IDO2: variants seen among roughly 807,000 people sequenced by gnomAD.
The protein encoded by IDO2 is indoleamine 2,3-dioxygenase-like 1 protein.
In IDO2, 46 loss-of-function variants were observed where a neutral mutation model predicts 45.1. That is an observed-to-expected ratio of 1.02 (90% CI 0.80 to 1.30). The LOEUF (loss-of-function observed/expected upper bound fraction) is 1.30. Among genes scored for constraint, IDO2 ranks in the 50% most tolerant of loss-of-function variants. The pLI, the probability that IDO2 is intolerant of heterozygous loss-of-function variation, is 0.00. For missense variants in IDO2, 544 were observed against 491.8 expected, an observed-to-expected ratio of 1.11 and a Z score of -1.00; for synonymous variants, 218 against 184.9, an observed-to-expected ratio of 1.18 and a Z score of -1.45.
chr8:39,945,991 T>G (rs920501296), intron 1 of IDO2, among the ~76,000 whole-genome samples: 3 of 152,218 alleles, frequency 2.0e-5, no homozygotes, highest in African/African-American at 7.2e-5. Flanking sequence ...ACCTCCTTCT[T>G]GCCTTGGAAC....
At chr8:40,015,614 C>G in exon 11 of IDO2, 1 of 1,588,908 alleles carries the variant, frequency 6.3e-7, no homozygotes, top group Non-Finnish European at 8.6e-7. Flanking sequence ...AGGCTGCCCT[C>G]TCCCCAGCAA....
chr8:39,960,759 A>G (rs1266082931), intron 2 of IDO2, among the ~76,000 whole-genome samples: 1 of 152,136 alleles, frequency 6.6e-6, no homozygotes, highest in East Asian at 1.9e-4. Context: ...CTTCTGTGAA[A>G]TCCTCTACTG....
intron 9 of IDO2, 32 bp downstream of exon 9, chr8:40,005,410 A>G (rs754994652): frequency 1.4e-6 from 2 of 1,426,314 alleles, no homozygotes; most frequent in Non-Finnish European, 1.9e-6. Flanking sequence ...TCCTGTGTGA[A>G]GTCTCTGTAG....
At chr8:39,996,495 C>T (rs908589411) in intron 8 of IDO2, among the ~76,000 whole-genome samples, 2 of 152,122 alleles carry the variant, frequency 1.3e-5, no homozygotes, top group South Asian at 2.1e-4. Context: ...TGCCTTGTAT[C>T]TAATAAATAA....
At chr8:39,975,791 T>C in intron 3 of IDO2, among the ~76,000 whole-genome samples, 1 of 152,134 alleles carries the variant, frequency 6.6e-6, no homozygotes, top group Non-Finnish European at 1.5e-5. Flanking sequence ...TAGGCCTGTG[T>C]ACCCTGAAAG....
chr8:39,946,986 C>T (rs1807741847), intron 1 of IDO2, among the ~76,000 whole-genome samples: 1 of 151,756 alleles, frequency 6.6e-6, no homozygotes, highest in Admixed American at 6.6e-5. Flanking sequence ...ATGGTGAAAC[C>T]CCATCTCTAC....
In IDO2 at chr8:39,937,182, A is replaced by G. The variant is rs1286675052; in HGVS notation, c.-18+1964A>G. On this transcript the variant is annotated intron_variant, in intron 1 of 10. Transcript: ENST00000502986. ...GTGAAAAATGTCGTTTGAGTGACACAGTAAACTCTGTGGAGCTCTGTGGAT... is the reference window on the plus strand; with the variant it reads ...GTGAAAAATGTCGTTTGAGTGACACGGTAAACTCTGTGGAGCTCTGTGGAT... Among the ~76,000 whole-genome samples the G allele has an allele frequency of 3.3e-5, 5 of 152,248 alleles. No homozygotes were observed. In the South Asian group the frequency reaches 8.3e-4, roughly 25 times the overall value.
intron 8 of IDO2, among the ~76,000 whole-genome samples, chr8:39,991,673 C>A (rs1470021798): frequency 1.3e-5 from 2 of 150,272 alleles, no homozygotes; most frequent in Admixed American, 1.3e-4. Flanking sequence ...CGGGTTCAAG[C>A]GATTCTCTTG....
At chr8:39,975,822 A>G (rs1322391245) in intron 3 of IDO2, among the ~76,000 whole-genome samples, 1 of 152,044 alleles carries the variant, frequency 6.6e-6, no homozygotes, top group African/African-American at 2.4e-5. Context: ...ATCGTTTATC[A>G]TAGCAAAAAA....
chr8:39,968,399 T>G (rs183616908), intron 3 of IDO2, among the ~76,000 whole-genome samples: 36 of 152,276 alleles, frequency 2.4e-4, no homozygotes, highest in Non-Finnish European at 4.3e-4. Context: ...TATAGGGGAA[T>G]GTTTAGCATG....
intron 2 of IDO2, among the ~76,000 whole-genome samples, chr8:39,957,916 A>C (rs1425271175): frequency 6.6e-6 from 1 of 151,892 alleles, no homozygotes; most frequent in Non-Finnish European, 1.5e-5. Context: ...ATTTTTATTT[A>C]TGTATTTGAG....
At chr8:40,013,457 A>G in intron 9 of IDO2, 108 bp from the exon 10 acceptor site, 1 of 1,102,784 alleles carries the variant, frequency 9.1e-7, no homozygotes, top group Non-Finnish European at 1.3e-6. Flanking sequence ...CCCTAAAATT[A>G]CCATTGAAAT....
intron 8 of IDO2, among the ~76,000 whole-genome samples, chr8:39,999,127 C>G (rs1802097669): frequency 6.6e-6 from 1 of 152,070 alleles, no homozygotes; most frequent in African/African-American, 2.4e-5. Context: ...TTGAACATAT[C>G]GGTACAAAAG....
intron 2 of IDO2, among the ~76,000 whole-genome samples, chr8:39,960,907 C>T (rs575829222): frequency 1.5e-4 from 23 of 152,246 alleles, no homozygotes; most frequent in African/African-American, 4.1e-4. Context: ...CTCAGCCTCC[C>T]GAGTAGCTGG....
intron 5 of IDO2, 119 bp downstream of exon 5, chr8:39,982,889 G>T: frequency 1.5e-6 from 1 of 653,040 alleles, no homozygotes; most frequent in Non-Finnish European, 2.5e-6. Flanking sequence ...CAAAGAAGGG[G>T]TGAGCTTGAC....
intron 6 of IDO2, chr8:39,985,894 G>A: frequency 6.0e-6 from 1 of 166,800 alleles, no homozygotes; most frequent in Non-Finnish European, 1.3e-5. Flanking sequence ...GCAGTGGTGT[G>A]ATCTCGGCTC....
intron 8 of IDO2, chr8:39,995,224 TCTCCTTCTC>T (rs1563438220): frequency 4.3e-4 from 35 of 80,816 alleles, no homozygotes; most frequent in African/African-American, 2.1e-3. Flanking sequence ...TCCTTCTCCT[TCTCCTTCTC>T]CTTCTCCTTC....
At chr8:39,982,297 A>G (rs1808365720) in intron 4 of IDO2, among the ~76,000 whole-genome samples, 1 of 151,572 alleles carries the variant, frequency 6.6e-6, no homozygotes, top group African/African-American at 2.4e-5. Flanking sequence ...CCTATCTATC[A>G]AAATTTTTTT....
At chr8:39,979,852 C>G (rs746084517) in intron 4 of IDO2, among the ~76,000 whole-genome samples, 14 of 152,146 alleles carry the variant, frequency 9.2e-5, no homozygotes, top group Non-Finnish European at 1.8e-4. Flanking sequence ...CAGGGTTGCA[C>G]CATGTTGCCC....
Sources: gnomAD v4.1 joint callset for allele counts (sites outside exome capture counted in the v4.1 genomes callset) on GRCh38, gnomAD v4.1.1 for gene constraint, MANE v1.5 for transcripts, NCBI Gene and HGNC (gene_info 2026-07-23, HGNC 2026-07-21) for gene names.